Variants in EXOC1L observed in about 807,000 individuals in gnomAD.
EXOC1L encodes exocyst complex component 1 like.
Under a neutral mutation model 4.9 loss-of-function variants are expected in EXOC1L, and 10 were observed. That is an observed-to-expected ratio of 2.02 (90% CI 1.25 to 3.43). The LOEUF (loss-of-function observed/expected upper bound fraction) is 3.43. EXOC1L is among the 30% of genes most tolerant of loss of function. The probability of loss-of-function intolerance (pLI) is 0.00; values close to 1 mark genes in which losing one functional copy is unlikely to be tolerated. For synonymous variants in EXOC1L, 41 were observed against 20.8 expected, an observed-to-expected ratio of 1.97 and a Z score of -2.63; for missense variants, 114 against 59.4, an observed-to-expected ratio of 1.92 and a Z score of -3.02.
At chr4:55,820,273 C>T in intron 1 of EXOC1L, 126 bp downstream of exon 1, 1 of 388,728 alleles carries the variant, frequency 2.6e-6, no homozygotes, top group East Asian at 3.7e-5. Flanking sequence ...CTGATAAGAA[C>T]TTAACTATGC....
chr4:55,836,840 G>A (rs1720177767), intron 2 of EXOC1L, among the ~76,000 whole-genome samples: 3 of 151,870 alleles, frequency 2.0e-5, no homozygotes, highest in African/African-American at 4.8e-5. Flanking sequence ...CACAGTCTGA[G>A]GCACATTTTA....
chr4:55,831,628 T>A (rs1041782438), intron 2 of EXOC1L, among the ~76,000 whole-genome samples, 164 bp downstream of exon 2: 2 of 152,128 alleles, frequency 1.3e-5, no homozygotes, highest in South Asian at 2.1e-4. Flanking sequence ...CTGGTTTTTT[T>A]ATTCTGTTTT....
At chr4:55,829,649 G>T (rs1337708173) in intron 1 of EXOC1L, among the ~76,000 whole-genome samples, 1 of 152,166 alleles carries the variant, frequency 6.6e-6, no homozygotes, top group African/African-American at 2.4e-5. Flanking sequence ...AGATTTGTCA[G>T]ACTGCTTCCA....
intron 1 of EXOC1L, among the ~76,000 whole-genome samples, chr4:55,829,483 C>T (rs577585606): frequency 1.9e-4 from 29 of 152,300 alleles, no homozygotes; most frequent in Middle Eastern, 3.4e-3. Context: ...TCTTTCATTT[C>T]TTCTTCCATG....
At chr4:55,836,657 C>A (rs1393767502) in intron 2 of EXOC1L, among the ~76,000 whole-genome samples, 1 of 151,940 alleles carries the variant, frequency 6.6e-6, no homozygotes, top group Non-Finnish European at 1.5e-5. Flanking sequence ...CAATGGCTAG[C>A]TATCATGTAT....
Position 55,833,976 on chromosome 4 carries a change from GA to G in EXOC1L, c.252+2514del, listed in dbSNP as rs557949860. 3.7e-3 allele frequency among the ~76,000 whole-genome samples: 567 copies of G among 151,982 alleles called. 5 individuals are homozygous for G. The highest frequency in any genetic ancestry group is 0.013 in the African/African-American group (530 of 41,504). On this transcript the variant is annotated intron_variant, in intron 2 of 2. Coordinates refer to ENST00000636125, the MANE Select transcript of EXOC1L (RefSeq NM_001351574.3). ...CTTGCAAGGTTTATTTTCTATAGAT[GA>G]AGTAAAAATACCCTGACTGTTCTGG...
intron 1 of EXOC1L, among the ~76,000 whole-genome samples, chr4:55,826,057 C>T (rs1431777665): frequency 6.8e-6 from 1 of 147,848 alleles, no homozygotes; most frequent in Non-Finnish European, 1.5e-5. Flanking sequence ...TGCACTCCAG[C>T]CTGGGCGACA....
Position 55,831,422 on chromosome 4 carries a change from T to C in EXOC1L, c.210T>C (p.Ser70=). 1 of 696,702 alleles carries C rather than the reference T, an allele frequency of 1.4e-6. No individual in the cohort carries two copies. The highest frequency in any genetic ancestry group is 1.8e-5 in the African/African-American group (1 of 57,016). 43.2% of individuals were successfully genotyped at this position (696,702 alleles called of 1,614,324 possible). Residue 70 remains serine, a synonymous_variant, in exon 2 of 3, where the codon TCT becomes TCC. Transcript: ENST00000636125. ...DEKYEVTKKW[S]LNDLQMIDGK... is the part of the protein sequence containing the mutation. ...AATATGAAGTAACAAAAAAGTGGTC[T>C]TTGAACGATCTGCAGATGATTGATG... is the stretch of plus-strand genomic sequence containing the variant.
chr4:55,829,984 G>A (rs900051051), intron 1 of EXOC1L, among the ~76,000 whole-genome samples: 1 of 152,088 alleles, frequency 6.6e-6, no homozygotes, highest in South Asian at 2.1e-4. Flanking sequence ...ACCTGGTGAC[G>A]TTAACTTCTA....
At chr4:55,824,277 A>T (rs938273953) in intron 1 of EXOC1L, among the ~76,000 whole-genome samples, 13 of 150,920 alleles carry the variant, frequency 8.6e-5, no homozygotes, top group African/African-American at 1.5e-4. Flanking sequence ...TCTCTCTCAC[A>T]CACACACACA....
intron 1 of EXOC1L, among the ~76,000 whole-genome samples, chr4:55,821,981 CATTGGT>C (rs1347655663): frequency 6.6e-6 from 1 of 152,162 alleles, no homozygotes; most frequent in African/African-American, 2.4e-5. Context: ...AGACAATTTC[CATTGGT>C]AATGAATCAA....
chr4:55,823,706 TGTTTGTTC>T (rs576022109), intron 1 of EXOC1L, among the ~76,000 whole-genome samples: 3,622 of 138,000 alleles, frequency 0.026, 71 homozygotes, highest in African/African-American at 0.033. Context: ...TTTGTTTGTT[TGTTTGTTC>T]GTTTGTTTGT....
chr4:55,821,317 G>A (rs577237777), intron 1 of EXOC1L, among the ~76,000 whole-genome samples: 1 of 151,722 alleles, frequency 6.6e-6, no homozygotes, highest in African/African-American at 2.4e-5. Flanking sequence ...ATTGGCCCAG[G>A]AAAAAGAAAT....
chr4:55,821,315 A>C (rs1278422939), intron 1 of EXOC1L, among the ~76,000 whole-genome samples: 1 of 152,160 alleles, frequency 6.6e-6, no homozygotes, highest in Non-Finnish European at 1.5e-5. Context: ...TAATTGGCCC[A>C]GGAAAAAGAA....
rs190804068 is a variant in EXOC1L at position 55,823,166 on chromosome 4, T to C, written c.121+3019T>C. ...GCTAGAATTATAAAAATAATATGCA[T>C]AAATTCTCTATACATATTGTTTTTT... On this transcript the variant is annotated intron_variant, in intron 1 of 2. Transcript: ENST00000636125. Among the ~76,000 whole-genome samples, 7 of 152,212 alleles carry C rather than the reference T, an allele frequency of 4.6e-5. No individual in the cohort carries two copies. In the East Asian group the frequency reaches 1.3e-3, roughly 29 times the overall value.
chr4:55,823,927 T>G (rs1452726482), intron 1 of EXOC1L, among the ~76,000 whole-genome samples: 3 of 152,190 alleles, frequency 2.0e-5, no homozygotes, highest in African/African-American at 7.2e-5. Context: ...CACAGAAATC[T>G]TGTGCTCAAA....
intron 1 of EXOC1L, among the ~76,000 whole-genome samples, chr4:55,822,214 A>T (rs193206925): frequency 3.5e-4 from 53 of 152,314 alleles, no homozygotes; most frequent in African/African-American, 1.1e-3. Flanking sequence ...TCTTTATATG[A>T]CCAGAGTCTC....
chr4:55,829,689 A>G (rs1414407342), intron 1 of EXOC1L, among the ~76,000 whole-genome samples: 33 of 152,180 alleles, frequency 2.2e-4, no homozygotes, highest in Admixed American at 2.2e-3. Context: ...GAGCTCTGTC[A>G]TCAACTCTCA....
intron 1 of EXOC1L, among the ~76,000 whole-genome samples, chr4:55,821,282 G>A (rs1280896329): frequency 6.6e-6 from 1 of 151,950 alleles, no homozygotes; most frequent in Admixed American, 6.6e-5. Flanking sequence ...AGTATAGAGG[G>A]TATTCTAGCG....
Sources: allele counts gnomAD v4.1 joint callset (sites outside exome capture counted in the v4.1 genomes callset), GRCh38; gene constraint gnomAD v4.1.1; transcripts MANE v1.5; gene names NCBI Gene and HGNC (gene_info 2026-07-23, HGNC 2026-07-21).